ZKSCAN7: variants seen among roughly 807,000 people sequenced by gnomAD.
ZKSCAN7 encodes zinc finger protein with KRAB and SCAN domains 7.
In ZKSCAN7, 38 loss-of-function variants were observed where a neutral mutation model predicts 65.3. The observed-to-expected ratio is 0.58, with a 90% CI of 0.45 to 0.76. The LOEUF (loss-of-function observed/expected upper bound fraction) is 0.76. Among genes scored for constraint, ZKSCAN7 ranks in the 30% least tolerant of loss-of-function variants. ZKSCAN7 has a pLI of 0.00. For synonymous variants in ZKSCAN7, 321 were observed against 321.0 expected, an observed-to-expected ratio of 1.00 and a Z score of 0.00; for missense variants, 815 against 913.3, an observed-to-expected ratio of 0.89 and a Z score of 1.39.
At position 44,569,462 on chromosome 3, in the gene ZKSCAN7, T is replaced by C. The variant is rs1699728999; in HGVS notation, c.812-460T>C. 2.0e-5 allele frequency among the ~76,000 whole-genome samples: 3 copies of C among 152,230 alleles called. No homozygotes were observed. In the South Asian group the frequency reaches 6.2e-4, roughly 32 times the overall value. ...TCCAGTCAATTCACTCTCATTTTTT[T>C]CCCTGTCTCTTTCTTATGTTTGGCT... On this transcript the variant is annotated intron_variant, in intron 5 of 5. Coordinates refer to ENST00000426540, the MANE Select transcript of ZKSCAN7 (RefSeq NM_001288590.2).
chr3:44,562,721 G>A (rs949450501), intron 2 of ZKSCAN7, among the ~76,000 whole-genome samples: 4 of 152,196 alleles, frequency 2.6e-5, no homozygotes, highest in East Asian at 1.9e-4. Context: ...GGTGGCTCAC[G>A]CCTGTAATCC....
At chr3:44,563,156 G>A (rs1334080357) in intron 2 of ZKSCAN7, among the ~76,000 whole-genome samples, 1 of 152,108 alleles carries the variant, frequency 6.6e-6, no homozygotes, top group Non-Finnish European at 1.5e-5. Context: ...GACCACCTCA[G>A]CCTGGATTTC....
At chr3:44,576,610 G>A (rs983064952), downstream of ZKSCAN7, among the ~76,000 whole-genome samples, 5 of 152,096 alleles carry the variant, frequency 3.3e-5, no homozygotes, top group African/African-American at 1.2e-4. Context: ...AATGACAAGG[G>A]CTTTCCAGTC....
Position 44,571,938 on chromosome 3 carries a change from C to CT in ZKSCAN7, c.*569dup, listed in dbSNP as rs1559430538. 1.0e-6 allele frequency: 1 copy of CT among 986,442 alleles called. No homozygotes were observed. Among genetic ancestry groups the CT allele is most frequent in the Non-Finnish European group, 1.2e-6 (1 of 830,612 alleles). 61.1% of individuals were successfully genotyped at this position (986,442 alleles called of 1,614,324 possible). The stretch of plus-strand genomic sequence containing the variant: ...ACTGAAATACTTTCTTCTTCAAGTA[C>CT]TTTTTTATTTTTCTTCAACTTCTCT... On this transcript the variant is annotated 3_prime_UTR_variant, in exon 6 of 6. Transcript: ENST00000426540.
At chr3:44,572,318 T>TA (rs1447338678), downstream of ZKSCAN7, among the ~76,000 whole-genome samples, 1 of 151,750 alleles carries the variant, frequency 6.6e-6, no homozygotes, top group Admixed American at 6.6e-5. Flanking sequence ...TTACTACTGT[T>TA]ACTTCAGCCT....
chr3:44,583,217 C>T, exon 6 of ZKSCAN7: 1 of 229,428 alleles, frequency 4.4e-6, no homozygotes, highest in Non-Finnish European at 8.7e-6. Flanking sequence ...CGTGAGCCAC[C>T]ACACCCAGCC....
chr3:44,556,608 C>G (rs191340319), intron 1 of ZKSCAN7, among the ~76,000 whole-genome samples: 122 of 152,298 alleles, frequency 8.0e-4, no homozygotes, highest in Middle Eastern at 3.4e-3. Context: ...TTTGGGATAG[C>G]CTGCATTTCC....
Position 44,570,976 on chromosome 3 carries a change from T to C in ZKSCAN7, c.1866T>C (p.Leu622=), listed in dbSNP as rs760811754. 2 of 1,614,146 alleles carry C rather than the reference T, an allele frequency of 1.2e-6. No individual in the cohort carries two copies. The highest frequency in any genetic ancestry group is 1.7e-6 in the Non-Finnish European group (2 of 1,180,032). Residue 622 remains leucine, a synonymous_variant, in exon 6 of 6, where the codon CTT becomes CTC. Transcript: ENST00000426540. Reference sequence around the variant, plus strand: ...AGGCATTTGGTCTGAGTAAATGTCTTATTCGGCACCAGAGACTTCACACGG... The same window carrying C: ...AGGCATTTGGTCTGAGTAAATGTCTCATTCGGCACCAGAGACTTCACACGG... The part of the protein sequence containing the change: ...CGKAFGLSKC[L]IRHQRLHTGE...
intron 5 of ZKSCAN7, chr3:44,579,815 C>T: frequency 1.9e-6 from 3 of 1,613,156 alleles, no homozygotes; most frequent in Non-Finnish European, 1.7e-6. Context: ...GAGGACAAAC[C>T]AGTGTTTCTT....
chr3:44,566,232 G>C (rs892814462), intron 3 of ZKSCAN7, among the ~76,000 whole-genome samples: 5 of 152,218 alleles, frequency 3.3e-5, no homozygotes, highest in African/African-American at 1.2e-4. Context: ...CTTGAGCCCT[G>C]ATTGAGGTGG....
At position 44,557,285 on chromosome 3, in the gene ZKSCAN7, C is replaced by CGCTG; in HGVS notation, c.240_243dup (p.Trp82LeufsTer20). Reference sequence around the variant, plus strand: ...ATTGAGCCGGCTTCGGGAGCTCTGCCGCTGGTGGCTCATGCCAGAGGTGCA... The same window carrying CGCTG: ...ATTGAGCCGGCTTCGGGAGCTCTGCCGCTGGCTGGTGGCTCATGCCAGAGGTGCA... On this transcript the variant is annotated frameshift_variant, in exon 2 of 6. Transcript: ENST00000426540. LOFTEE classifies it high-confidence loss of function. 6.2e-7 allele frequency: 1 copy of CGCTG among 1,614,272 alleles called. No homozygotes were observed. Among genetic ancestry groups the CGCTG allele is most frequent in the Non-Finnish European group, 8.5e-7 (1 of 1,180,058 alleles).
chr3:44,557,612 A>T, intron 2 of ZKSCAN7, 142 bp downstream of exon 2: 1 of 1,143,288 alleles, frequency 8.7e-7, no homozygotes, highest in Non-Finnish European at 1.2e-6. Context: ...GAGGGAAAAT[A>T]GTTTTGTGCT....
intron 5 of ZKSCAN7, chr3:44,580,855 C>T (rs1412895095): frequency 4.5e-5 from 72 of 1,613,454 alleles, no homozygotes; most frequent in Non-Finnish European, 5.4e-5. Flanking sequence ...TTGTCAAAGT[C>T]GGTCCCATCT....
chr3:44,559,791 C>T (rs1699412348), intron 2 of ZKSCAN7, among the ~76,000 whole-genome samples: 1 of 152,196 alleles, frequency 6.6e-6, no homozygotes. Context: ...GATCAGGATC[C>T]TGGGGCTAGA....
chr3:44,582,718 C>G, intron 5 of ZKSCAN7, among the ~76,000 whole-genome samples: 1 of 152,082 alleles, frequency 6.6e-6, no homozygotes, highest in South Asian at 2.1e-4. Context: ...TCTAGTGACC[C>G]TTACGTTCTC....
At position 44,569,989 on chromosome 3, in the gene ZKSCAN7, A is replaced by G; in HGVS notation, c.879A>G (p.Ser293=). ...PKQEFFKGSE[S]SNRTSGGLFG... ...AGGAATTTTTTAAAGGATCAGAGTC[A>G]TCTAACAGGACATCAGGGGGACTCT... Residue 293 remains serine, a synonymous_variant, in exon 6 of 6, where the codon TCA becomes TCG. Coordinates refer to ENST00000426540, the MANE Select transcript of ZKSCAN7 (RefSeq NM_001288590.2). 1.2e-6 allele frequency: 2 copies of G among 1,605,914 alleles called. No homozygotes were observed. The highest frequency in any genetic ancestry group is 1.7e-6 in the Non-Finnish European group (2 of 1,176,924).
In ZKSCAN7 at chr3:44,571,347, C is replaced by T. The variant is rs34437520; in HGVS notation, c.2237C>T (p.Ser746Phe). 18,016 of 1,614,174 alleles carry T rather than the reference C, an allele frequency of 0.011. 153 individuals are homozygous for T. The highest frequency in any genetic ancestry group is 0.02 in the Middle Eastern group (122 of 6,062). ...HHQRTHTGEK[S>F]SGLAWSVS ...CAGCGAACTCACACTGGAGAGAAGT[C>T]CTCAGGTCTGGCTTGGTCAGTTTCT... The change falls in exon 6 of 6, where the codon TCC (serine) becomes TTC (phenylalanine). Residue 746 changes from serine to phenylalanine, a missense_variant. Coordinates refer to ENST00000426540, the MANE Select transcript of ZKSCAN7 (RefSeq NM_001288590.2).
downstream of ZKSCAN7, among the ~76,000 whole-genome samples, chr3:44,576,574 A>T (rs574022525): frequency 6.6e-6 from 1 of 151,934 alleles, no homozygotes; most frequent in South Asian, 2.1e-4. Flanking sequence ...TTGCCTTCAC[A>T]TACATTTGCT....
At chr3:44,559,070 C>T (rs1699386037) in intron 2 of ZKSCAN7, among the ~76,000 whole-genome samples, 1 of 151,968 alleles carries the variant, frequency 6.6e-6, no homozygotes. Context: ...AGCTACCACG[C>T]CTGGCCTGGA....
Sources: allele counts gnomAD v4.1 joint callset (sites outside exome capture counted in the v4.1 genomes callset), GRCh38; gene constraint gnomAD v4.1.1; transcripts MANE v1.5; gene names NCBI Gene and HGNC (gene_info 2026-07-23, HGNC 2026-07-21).